The following FNDC3A variants were observed in gnomAD, a reference collection of about 807,000 sequenced individuals.
The protein encoded by FNDC3A is fibronectin type III domain containing 3A.
Under a neutral mutation model 148.9 loss-of-function variants are expected in FNDC3A, and 32 were observed. The observed-to-expected ratio is 0.21, with a 90% CI of 0.16 to 0.29. FNDC3A has a LOEUF of 0.29. FNDC3A is among the 10% of genes least tolerant of loss of function. The probability of loss-of-function intolerance (pLI) is 1.00; values close to 1 mark genes in which losing one functional copy is unlikely to be tolerated. For synonymous variants in FNDC3A, 472 were observed against 473.6 expected, an observed-to-expected ratio of 1.00 and a Z score of 0.04; for missense variants, 1,191 against 1,452.8, an observed-to-expected ratio of 0.82 and a Z score of 2.93.
chr13:49,171,566 C>T (rs1884755780), intron 10 of FNDC3A, among the ~76,000 whole-genome samples: 1 of 152,172 alleles, frequency 6.6e-6, no homozygotes, highest in South Asian at 2.1e-4. Context: ...AGTCAGCAGT[C>T]TCAGGTAACC....
At chr13:49,079,089 C>T (rs1161217848) in intron 3 of FNDC3A, among the ~76,000 whole-genome samples, 6 of 152,178 alleles carry the variant, frequency 3.9e-5, no homozygotes, top group Admixed American at 1.3e-4. Context: ...GAACTTTAGA[C>T]ATCTAAATAA....
intron 3 of FNDC3A, among the ~76,000 whole-genome samples, chr13:49,098,876 A>G (rs981473209): frequency 6.6e-6 from 1 of 152,160 alleles, no homozygotes; most frequent in African/African-American, 2.4e-5. Context: ...GTCTCTAAAC[A>G]TCTAAGCATG....
chr13:49,016,502 A>G (rs1197051771), intron 2 of FNDC3A, among the ~76,000 whole-genome samples: 1 of 151,104 alleles, frequency 6.6e-6, no homozygotes, highest in African/African-American at 2.4e-5. Context: ...TTTTTTCTTT[A>G]TTAGTCTTGC....
chr13:49,051,700 G>A (rs903940496), intron 2 of FNDC3A, among the ~76,000 whole-genome samples: 5 of 152,106 alleles, frequency 3.3e-5, no homozygotes, highest in Admixed American at 3.3e-4. Flanking sequence ...TGTACTTCTT[G>A]TATTTGGTTG....
At chr13:49,131,482 G>A (rs1391054874) in intron 5 of FNDC3A, 108 bp downstream of exon 5, 1 of 827,628 alleles carries the variant, frequency 1.2e-6, no homozygotes, top group African/African-American at 1.7e-5. Flanking sequence ...TGGTAATGAT[G>A]TAACAGGCAT....
chr13:49,098,128 T>C (rs912288902), intron 3 of FNDC3A, among the ~76,000 whole-genome samples: 5 of 152,122 alleles, frequency 3.3e-5, no homozygotes, highest in Admixed American at 6.6e-5. Flanking sequence ...AACTAACATA[T>C]AGATTCTGTT....
At chr13:49,016,855 A>G (rs1205840239) in intron 2 of FNDC3A, among the ~76,000 whole-genome samples, 4 of 151,228 alleles carry the variant, frequency 2.6e-5, no homozygotes, top group Non-Finnish European at 5.9e-5. Context: ...TCATTTCGTT[A>G]TGTACCCAGT....
chr13:49,062,394 G>A (rs1876960201), intron 2 of FNDC3A, among the ~76,000 whole-genome samples: 1 of 152,170 alleles, frequency 6.6e-6, no homozygotes. Context: ...AAGGTTAACA[G>A]TTGAACTCTT....
At chr13:49,044,172 T>A (rs1875172504) in intron 2 of FNDC3A, 1 of 203,712 alleles carries the variant, frequency 4.9e-6, no homozygotes, top group Non-Finnish European at 1.1e-5. Context: ...TAATTCATTC[T>A]CACTATTCTG....
chr13:49,104,853 TA>T (rs1249043775), intron 3 of FNDC3A, among the ~76,000 whole-genome samples: 1 of 152,132 alleles, frequency 6.6e-6, no homozygotes, highest in African/African-American at 2.4e-5. Flanking sequence ...AAAATAATAA[TA>T]AAGAGAGAGT....
intron 8 of FNDC3A, among the ~76,000 whole-genome samples, chr13:49,162,701 A>G (rs1038467148): frequency 1.1e-4 from 17 of 152,176 alleles, no homozygotes; most frequent in Non-Finnish European, 2.4e-4. Context: ...TCTGGTTTTT[A>G]GAATTTTCAT....
intron 8 of FNDC3A, among the ~76,000 whole-genome samples, chr13:49,160,962 T>C (rs1884067268): frequency 6.6e-6 from 1 of 152,236 alleles, no homozygotes; most frequent in Non-Finnish European, 1.5e-5. Flanking sequence ...AATTCTAATT[T>C]GATTGCACTG....
At chr13:49,170,335 TGAA>T (rs1354461801) in intron 10 of FNDC3A, among the ~76,000 whole-genome samples, 1 of 152,138 alleles carries the variant, frequency 6.6e-6, no homozygotes, top group Non-Finnish European at 1.5e-5. Context: ...ATATTAAAAA[TGAA>T]GAAAAGTCAC....
At chr13:49,195,050 A>G (rs1236299846) in intron 19 of FNDC3A, among the ~76,000 whole-genome samples, 1 of 152,202 alleles carries the variant, frequency 6.6e-6, no homozygotes, top group Admixed American at 6.5e-5. Context: ...TTTTCTCACC[A>G]TATCAAATAA....
upstream of FNDC3A, chr13:48,975,565 CAG>C (rs1244553169): frequency 6.6e-6 from 1 of 152,242 alleles, no homozygotes; most frequent in Non-Finnish European, 1.5e-5. Context: ...GGGTGCGTCT[CAG>C]GGGAGCCTTT....
At position 49,188,589 on chromosome 13, in the gene FNDC3A, T is replaced by C; in HGVS notation, c.1900T>C (p.Tyr634His). 6.2e-7 allele frequency: 1 copy of C among 1,613,870 alleles called. No homozygotes were observed. The change falls in exon 17 of 26, where the codon TAT (tyrosine) becomes CAT (histidine). Residue 634 changes from tyrosine to histidine, a missense_variant. By Grantham distance (83) the Tyr-to-His change is moderately conservative. Transcript: ENST00000492622. The part of the protein sequence containing the change: ...LCDRLNPGCF[Y>H]RLRVYCISDG... ...TGATCGACTGAATCCAGGCTGTTTCTATCGTTTACGAGTTTACTGCATCAG... is the reference window on the plus strand; with the variant it reads ...TGATCGACTGAATCCAGGCTGTTTCCATCGTTTACGAGTTTACTGCATCAG...
intron 3 of FNDC3A, among the ~76,000 whole-genome samples, chr13:49,110,054 A>G (rs1314579448): frequency 6.6e-6 from 1 of 152,212 alleles, no homozygotes; most frequent in Non-Finnish European, 1.5e-5. Context: ...ATTGTACATC[A>G]AATATATATT....
At position 49,207,641 on chromosome 13, in the gene FNDC3A, C is replaced by CT. The variant is rs200960754; in HGVS notation, c.*253dup. 1.0e-3 allele frequency: 374 copies of CT among 358,192 alleles called. 1 individual carries two copies. The highest frequency in any genetic ancestry group is 6.2e-3 in the African/African-American group (292 of 47,194). 22.2% of individuals were successfully genotyped at this position (358,192 alleles called of 1,614,324 possible). Reference sequence around the variant, plus strand: ...GTCTTCTTTTTTTCTTTCCCTCTCTCTTTTTTTAACAAATGCCTTCTTATA... The same window carrying CT: ...GTCTTCTTTTTTTCTTTCCCTCTCTCTTTTTTTTAACAAATGCCTTCTTATA... On this transcript the variant is annotated 3_prime_UTR_variant, in exon 26 of 26. Transcript: ENST00000492622.
chr13:49,186,117 A>G lies in FNDC3A; in HGVS notation c.1756+15A>G, dbSNP rs1187654822. On this transcript the variant is annotated intron_variant, in intron 15 of 25. Coordinates refer to ENST00000492622, the MANE Select transcript of FNDC3A (RefSeq NM_001079673.2). ...AATAACCTGGGGTAAGATATTATGCATGTTTATACATTATTACTTTTGCGT... is the reference window on the plus strand; with the variant it reads ...AATAACCTGGGGTAAGATATTATGCGTGTTTATACATTATTACTTTTGCGT... The G allele has an allele frequency of 1.9e-6, 3 of 1,566,472 alleles. No individual in the cohort carries two copies. In the Admixed American group the frequency reaches 5.3e-5, roughly 28 times the overall value.
Sources: gnomAD v4.1 joint callset for allele counts (sites outside exome capture counted in the v4.1 genomes callset) on GRCh38, gnomAD v4.1.1 for gene constraint, MANE v1.5 for transcripts, NCBI Gene and HGNC (gene_info 2026-07-23, HGNC 2026-07-21) for gene names.